Variants in TRIP12 observed in about 807,000 individuals in gnomAD.
TRIP12 encodes the protein thyroid hormone receptor interactor 12.
Under a neutral mutation model 244.2 loss-of-function variants are expected in TRIP12, and 25 were observed. That is an observed-to-expected ratio of 0.10 (90% confidence interval 0.07 to 0.14). The LOEUF is 0.14. Ranked by LOEUF, TRIP12 falls within the 10% of genes least tolerant of loss-of-function variation. The probability of loss-of-function intolerance (pLI) is 1.00; values close to 1 mark genes in which losing one functional copy is unlikely to be tolerated. For synonymous variants in TRIP12, 905 were observed against 873.1 expected (o/e 1.04, Z -0.64); for missense variants, 1,677 against 2,486.4 (o/e 0.67, Z 6.92).
chr2:229,807,734 T>C lies in TRIP12; in HGVS notation c.2470A>G (p.Asn824Asp), dbSNP rs924588252. 6.2e-7 allele frequency: 1 copy of C among 1,614,170 alleles called. No homozygotes were observed. Among genetic ancestry groups the C allele is most frequent in the Non-Finnish European group, 8.5e-7 (1 of 1,180,032 alleles). The change falls in exon 17 of 42, where the codon AAC (asparagine) becomes GAC (aspartate). Residue 824 changes from asparagine (N) to aspartate (D), a missense_variant. Physicochemically the swap from Asn to Asp is conservative, Grantham distance 23 (BLOSUM62 1). Coordinates refer to ENST00000675903, the MANE Select transcript of TRIP12 (RefSeq NM_001348323.3). ...RDDRGLWHPY[N>D]RIDSRIIEAA... ...TCAATGATCCGGCTGTCAATCCTGT[T>C]ATATGGATGCCAGAGGCCCCGATCA...
chr2:229,803,923 A>T, intron 19 of TRIP12, 76 bp downstream of exon 19: 3 of 1,318,814 alleles, frequency 2.3e-6, no homozygotes, highest in Non-Finnish European at 3.1e-6. Context: ...TTTTTCTATT[A>T]TTACTTTAGA....
chr2:229,818,195 T>C (rs1025983574), intron 9 of TRIP12, among the ~76,000 whole-genome samples, 169 bp downstream of exon 9: 3 of 152,182 alleles, frequency 2.0e-5, no homozygotes, highest in Admixed American at 6.5e-5. Context: ...TCATTAGCAA[T>C]TGCTCACAGT....
Position 229,774,281 on chromosome 2 carries a change from G to A in TRIP12, c.5530-20C>T. 6.3e-7 allele frequency: 1 copy of A among 1,586,850 alleles called. No individual in the cohort carries two copies. Among genetic ancestry groups the A allele is most frequent in the Non-Finnish European group, 8.5e-7 (1 of 1,169,908 alleles). On this transcript the variant is annotated intron_variant, in intron 37 of 41. Transcript: ENST00000675903. ...TTTGGTCTAAAAAACACAAATGGGGGAGAAATGGTGTCAAGCAAAATTAAC... is the reference window on the plus strand; with the variant it reads ...TTTGGTCTAAAAAACACAAATGGGGAAGAAATGGTGTCAAGCAAAATTAAC...
intron 4 of TRIP12, among the ~76,000 whole-genome samples, chr2:229,847,589 C>T (rs954475419): frequency 5.9e-5 from 9 of 152,084 alleles, no homozygotes; most frequent in African/African-American, 1.9e-4. Context: ...CCAGAAATGC[C>T]GGGGCTAAAT....
At chr2:229,797,582 G>T in intron 24 of TRIP12, 108 bp downstream of exon 24, 1 of 1,393,480 alleles carries the variant, frequency 7.2e-7, no homozygotes, top group Non-Finnish European at 9.8e-7. Context: ...AAAAGTCGAT[G>T]TAGGATAGCT....
chr2:229,779,075 C>A, intron 34 of TRIP12, 85 bp from the exon 35 acceptor site: 1 of 1,067,164 alleles, frequency 9.4e-7, no homozygotes, highest in South Asian at 1.3e-5. Context: ...TGCACACTAA[C>A]AGCAACTGTT....
intron 1 of TRIP12, among the ~76,000 whole-genome samples, chr2:229,911,092 A>C (rs1330119063): frequency 1.3e-5 from 2 of 152,238 alleles, no homozygotes; most frequent in Non-Finnish European, 2.9e-5. Context: ...AAATATATGA[A>C]GCTGGGTGGC....
chr2:229,896,364 G>A (rs1261240983), intron 1 of TRIP12, among the ~76,000 whole-genome samples: 2 of 152,258 alleles, frequency 1.3e-5, no homozygotes, highest in South Asian at 2.1e-4. Context: ...TCAGCCAGGC[G>A]TGGTGGCTCA....
At chr2:229,868,828 A>C (rs893539717) in intron 2 of TRIP12, among the ~76,000 whole-genome samples, 3 of 152,226 alleles carry the variant, frequency 2.0e-5, no homozygotes, top group Non-Finnish European at 4.4e-5. Context: ...AATAACGTAT[A>C]AACATCCTAT....
intron 8 of TRIP12, among the ~76,000 whole-genome samples, chr2:229,821,000 C>A (rs1008544042): frequency 6.6e-6 from 1 of 152,154 alleles, no homozygotes; most frequent in African/African-American, 2.4e-5. Flanking sequence ...CAGCACAGTT[C>A]AAACTCATAT....
intron 2 of TRIP12, among the ~76,000 whole-genome samples, chr2:229,866,119 T>C (rs561248160): frequency 6.6e-5 from 10 of 152,172 alleles, no homozygotes; most frequent in Non-Finnish European, 1.5e-4. Context: ...TGGTAATATA[T>C]GAAAACCTTA....
At chr2:229,863,367 T>A (rs1431620000) in intron 2 of TRIP12, among the ~76,000 whole-genome samples, 3 of 151,976 alleles carry the variant, frequency 2.0e-5, no homozygotes, top group African/African-American at 7.3e-5. Context: ...GATACTTAAC[T>A]GTCCCTTCTG....
At chr2:229,869,557 G>A (rs1231254294) in intron 2 of TRIP12, among the ~76,000 whole-genome samples, 24 of 152,002 alleles carry the variant, frequency 1.6e-4, no homozygotes, top group Admixed American at 1.4e-3. Context: ...TCCCCCTACC[G>A]AGCTGGGTTG....
At chr2:229,813,608 A>G (rs2154281004) in intron 13 of TRIP12, among the ~76,000 whole-genome samples, 1 of 151,826 alleles carries the variant, frequency 6.6e-6, no homozygotes, top group South Asian at 2.1e-4. Flanking sequence ...ACATAGCAAA[A>G]CCCCATCTCT....
At chr2:229,855,625 G>GAAAAAAAAAAAAAAAAAAAAAAAAAA (rs1262164225) in intron 4 of TRIP12, among the ~76,000 whole-genome samples, 1 of 95,798 alleles carries the variant, frequency 1.0e-5, no homozygotes, top group African/African-American at 3.2e-5. Flanking sequence ...AAAAAAAAAA[G>GAAAAAAAAAAAAAAAAAAAAAAAAAA]AGAAAAGAAA....
At chr2:229,863,865 A>C (rs888095191) in intron 2 of TRIP12, among the ~76,000 whole-genome samples, 4 of 152,218 alleles carry the variant, frequency 2.6e-5, no homozygotes, top group Admixed American at 6.5e-5. Context: ...TAAAAAGCAT[A>C]ATCTTTTTAA....
In TRIP12 at chr2:229,878,775, G is replaced by C. The variant is rs903325731; in HGVS notation, c.98+1207C>G. Among the ~76,000 whole-genome samples, 4 of 151,588 alleles carry C rather than the reference G, an allele frequency of 2.6e-5. No individual in the cohort carries two copies. In the South Asian group the frequency reaches 8.3e-4, roughly 32 times the overall value. ...TTTTTTGTATTTTTGGTAGAGACGG[G>C]GTTTCACCATGTTAGCCAGGATGGT... On this transcript the variant is annotated intron_variant, in intron 2 of 41. Coordinates refer to ENST00000675903, the MANE Select transcript of TRIP12 (RefSeq NM_001348323.3).
In TRIP12 at chr2:229,880,016, C is replaced by T. The variant is rs200837058; in HGVS notation, c.64G>A (p.Gly22Arg). 70 of 1,614,076 alleles carry T rather than the reference C, an allele frequency of 4.3e-5. No individual in the cohort carries two copies. In the East Asian group the frequency reaches 6.7e-4, roughly 15 times the overall value. The change falls in exon 2 of 42, where the codon GGG (glycine) becomes AGG (arginine). Residue 22 changes from glycine (G) to arginine (R), a missense_variant. Gly to Arg is a moderately radical substitution (Grantham distance 125). This residue lies in a region of TRIP12 where 387 missense variants were observed against 392.6 expected (regional missense o/e 0.99). Coordinates refer to ENST00000675903, the MANE Select transcript of TRIP12 (RefSeq NM_001348323.3). ...ATTGAGTCGTCTTGTGGTTGGGCCCCGGCAGTGTTCCTCTGTGAACGTCGC... is the reference window on the plus strand; with the variant it reads ...ATTGAGTCGTCTTGTGGTTGGGCCCTGGCAGTGTTCCTCTGTGAACGTCGC... ...SLRRSQRNTAGAQPQDDSIGG... is the reference protein window; with the variant it reads ...SLRRSQRNTARAQPQDDSIGG...
rs148271689 is a variant in TRIP12, at chr2:229,805,794, A to G, written c.2586T>C (p.Asn862=). The G allele has an allele frequency of 1.3e-3, 2,106 of 1,611,604 alleles. 4 individuals are homozygous for G. Among genetic ancestry groups the G allele is most frequent in the Non-Finnish European group, 1.6e-3 (1,883 of 1,177,994 alleles). The change falls in exon 18 of 42, where the codon AAT becomes AAC. Residue 862 remains asparagine, a synonymous_variant. Transcript: ENST00000675903. Reference sequence around the variant, plus strand: ...TGGCACGTGCTGTTCCCGTGTCCTCATTGATTTGCTGCATAGAATTAAAAT... The same window carrying G: ...TGGCACGTGCTGTTCCCGTGTCCTCGTTGATTTGCTGCATAGAATTAAAAT... The part of the protein sequence containing the change: ...TIDFNSMQQI[N]EDTGTARAIQ...
Sources: allele counts gnomAD v4.1 joint callset (sites outside exome capture counted in the v4.1 genomes callset), GRCh38; gene constraint gnomAD v4.1.1; regional missense constraint gnomAD v4.1.1; transcripts MANE v1.5; gene names NCBI Gene and HGNC (gene_info 2026-07-23, HGNC 2026-07-21).